SMC1B: variants seen among roughly 807,000 people sequenced by gnomAD.
SMC1B encodes the protein structural maintenance of chromosomes protein 1B.
SMC1B carries 60 observed loss-of-function variants against 157.9 expected under a neutral mutation model. That is an observed-to-expected ratio of 0.38 (90% CI 0.31 to 0.47). The LOEUF (loss-of-function observed/expected upper bound fraction) is 0.47, where lower values mean the gene tolerates loss of function less well. Among genes scored for constraint, SMC1B ranks in the 20% least tolerant of loss-of-function variants. The probability of loss-of-function intolerance (pLI) is 0.99; values close to 1 mark genes in which losing one functional copy is unlikely to be tolerated. For synonymous variants in SMC1B, 445 were observed against 483.0 expected, an observed-to-expected ratio of 0.92 and a Z score of 1.03; for missense variants, 1,165 against 1,426.2, an observed-to-expected ratio of 0.82 and a Z score of 2.95.
chr22:45,411,490 A>C (rs924902209), intron 1 of SMC1B, among the ~76,000 whole-genome samples: 2 of 152,248 alleles, frequency 1.3e-5, no homozygotes, highest in Non-Finnish European at 2.9e-5. Context: ...TTTGGGGGCA[A>C]TGAAAATGTT....
chr22:45,401,796 C>T (rs1178956389), intron 5 of SMC1B, among the ~76,000 whole-genome samples: 1 of 152,118 alleles, frequency 6.6e-6, no homozygotes, highest in Non-Finnish European at 1.5e-5. Flanking sequence ...AACCTCACTC[C>T]TTGTGTGTCT....
rs112114982 is a variant in SMC1B at position 45,398,896 on chromosome 22, G to A, written c.1113+199C>T. Among the ~76,000 whole-genome samples the A allele has an allele frequency of 9.2e-5, 14 of 152,184 alleles. 1 individual carries two copies. The highest frequency in any genetic ancestry group is 2.2e-4 in the African/African-American group (9 of 41,534). On this transcript the variant is annotated intron_variant, in intron 6 of 24. Transcript: ENST00000357450. ...TGCACTCCAGCCTGAGTGACAGAGC[G>A]AGACCCTCTCTCTACAAAATTAAAA... is the stretch of plus-strand genomic sequence containing the variant.
intron 4 of SMC1B, among the ~76,000 whole-genome samples, chr22:45,404,410 TAC>T (rs1302672539): frequency 6.6e-6 from 1 of 152,248 alleles, no homozygotes; most frequent in Non-Finnish European, 1.5e-5. Flanking sequence ...GAAAAAAATC[TAC>T]ATTCTGTAGA....
intron 9 of SMC1B, among the ~76,000 whole-genome samples, chr22:45,392,478 T>A (rs1382473627): frequency 2.1e-5 from 2 of 94,622 alleles, no homozygotes; most frequent in African/African-American, 7.2e-5. Context: ...TTTTTTTAAC[T>A]AGTTGTGTGT....
chr22:45,391,176 T>C (rs1159914110), intron 9 of SMC1B, among the ~76,000 whole-genome samples: 2 of 151,902 alleles, frequency 1.3e-5, no homozygotes, highest in Non-Finnish European at 2.9e-5. Context: ...GCGCACACCA[T>C]CACGCCTGGC....
At chr22:45,370,719 G>A (rs2056253359) in intron 14 of SMC1B, among the ~76,000 whole-genome samples, 1 of 152,152 alleles carries the variant, frequency 6.6e-6, no homozygotes, top group Non-Finnish European at 1.5e-5. Flanking sequence ...TAAACATACA[G>A]ACCCACAATA....
At chr22:45,406,083 T>A (rs1321896356) in intron 4 of SMC1B, among the ~76,000 whole-genome samples, 2 of 152,228 alleles carry the variant, frequency 1.3e-5, no homozygotes, top group Non-Finnish European at 2.9e-5. Context: ...CCAGTGTTAA[T>A]TTCACATACA....
intron 22 of SMC1B, among the ~76,000 whole-genome samples, chr22:45,351,161 T>A (rs2086611754): frequency 6.6e-6 from 1 of 152,230 alleles, no homozygotes; most frequent in Non-Finnish European, 1.5e-5. Flanking sequence ...TCTATAGAAC[T>A]TGTTACTTTC....
At chr22:45,370,156 G>C in intron 14 of SMC1B, 96 bp from the exon 15 acceptor site, 1 of 635,088 alleles carries the variant, frequency 1.6e-6, no homozygotes, top group Non-Finnish European at 2.5e-6. Context: ...CCTGAATTAG[G>C]CCAAAAACTA....
chr22:45,405,737 G>A (rs2087251896), intron 4 of SMC1B, among the ~76,000 whole-genome samples: 1 of 152,186 alleles, frequency 6.6e-6, no homozygotes, highest in South Asian at 2.1e-4. Context: ...CTCCTAGGAG[G>A]TTCCCAAGAC....
intron 15 of SMC1B, among the ~76,000 whole-genome samples, chr22:45,365,058 C>T (rs987709061): frequency 8.6e-5 from 13 of 151,898 alleles, no homozygotes; most frequent in Non-Finnish European, 1.3e-4. Context: ...AGGATGGTCT[C>T]GATCGCCTGA....
chr22:45,344,695 T>A (rs1479165038), intron 24 of SMC1B, 38 bp from the exon 25 acceptor site: 2 of 1,430,288 alleles, frequency 1.4e-6, no homozygotes, highest in East Asian at 2.3e-5. Flanking sequence ...TTCCCCTAAT[T>A]AGGGAAAAAG....
At chr22:45,410,025 G>A (rs1000110235) in intron 1 of SMC1B, among the ~76,000 whole-genome samples, 3 of 152,190 alleles carry the variant, frequency 2.0e-5, no homozygotes, top group Non-Finnish European at 2.9e-5. Context: ...TTCCCTGGTG[G>A]GCAACATTTC....
At chr22:45,395,235 G>A (rs2087109687) in intron 7 of SMC1B, among the ~76,000 whole-genome samples, 1 of 152,140 alleles carries the variant, frequency 6.6e-6, no homozygotes, top group Admixed American at 6.6e-5. Flanking sequence ...TAGTAGAGTG[G>A]TTTTGTGTTA....
At chr22:45,375,349 A>G (rs2086874336) in intron 12 of SMC1B, among the ~76,000 whole-genome samples, 2 of 152,224 alleles carry the variant, frequency 1.3e-5, no homozygotes, top group Admixed American at 6.5e-5. Context: ...CCTAAAATGT[A>G]TAAAACCAAA....
At chr22:45,385,663 T>G (rs1195326531) in intron 11 of SMC1B, among the ~76,000 whole-genome samples, 1 of 151,876 alleles carries the variant, frequency 6.6e-6, no homozygotes, top group Non-Finnish European at 1.5e-5. Context: ...ACTTCTTTAA[T>G]TTGACTATAC....
At chr22:45,349,961 T>A (rs1046975031) in intron 22 of SMC1B, among the ~76,000 whole-genome samples, 164 bp from the exon 23 acceptor site, 2 of 152,256 alleles carry the variant, frequency 1.3e-5, no homozygotes, top group Admixed American at 1.3e-4. Context: ...CAGTTATCAG[T>A]CCACATGTAT....
In SMC1B at chr22:45,344,346, A is replaced by G. The variant is rs2086528543; in HGVS notation, c.*210T>C. The G allele has an allele frequency of 7.9e-6, 3 of 378,234 alleles. No individual in the cohort carries two copies. Among genetic ancestry groups the G allele is most frequent in the Non-Finnish European group, 9.5e-6 (2 of 211,190 alleles). The allele number at this position is 378,234 out of a possible 1,614,324, so 23.4% of individuals were successfully genotyped here. ...TTTGTTTTTTAAAAACTCATTTGAC[A>G]CCAGCTCTCACTGAAAACTTTCCCT... On this transcript the variant is annotated 3_prime_UTR_variant, in exon 25 of 25. Coordinates refer to ENST00000357450, the MANE Select transcript of SMC1B (RefSeq NM_148674.5).
chr22:45,408,282 C>T (rs776286205), intron 2 of SMC1B, among the ~76,000 whole-genome samples: 2 of 152,074 alleles, frequency 1.3e-5, no homozygotes, highest in Admixed American at 6.5e-5. Context: ...CCTGCCACCT[C>T]GCCCAGCTAA....
Sources: gnomAD v4.1 joint callset for allele counts (sites outside exome capture counted in the v4.1 genomes callset) on GRCh38, gnomAD v4.1.1 for gene constraint, MANE v1.5 for transcripts, NCBI Gene and HGNC (gene_info 2026-07-23, HGNC 2026-07-21) for gene names.